C3orf33: variants seen among roughly 807,000 people sequenced by gnomAD.
C3orf33 encodes the protein mitochondrial inner membrane subdomain organizer 1.
Under a neutral mutation model 28.7 loss-of-function variants are expected in C3orf33, and 23 were observed. The ratio of observed to expected loss-of-function variants is 0.80; its 90% CI spans 0.58 to 1.13. C3orf33 has a LOEUF of 1.13. Ranked by LOEUF, C3orf33 falls within the 50% of genes most tolerant of loss-of-function variation. The pLI is 0.00. For missense variants in C3orf33, 327 were observed against 353.4 expected, an observed-to-expected ratio of 0.93 and a Z score of 0.60; for synonymous variants, 119 against 120.5, an observed-to-expected ratio of 0.99 and a Z score of 0.08.
intron 1 of C3orf33, chr3:155,805,791 T>C (rs1751792201): frequency 3.7e-5 from 18 of 491,572 alleles, no homozygotes; most frequent in South Asian, 3.3e-4. Flanking sequence ...AGGACTTCCC[T>C]GCTCTTCCTC....
intron 2 of C3orf33, among the ~76,000 whole-genome samples, chr3:155,793,427 T>C (rs987969942): frequency 6.6e-6 from 1 of 151,042 alleles, no homozygotes; most frequent in Non-Finnish European, 1.5e-5. Flanking sequence ...AGAAATCACC[T>C]GAAGGTACAA....
intron 3 of C3orf33, among the ~76,000 whole-genome samples, chr3:155,770,399 G>A (rs998965219): frequency 1.3e-5 from 2 of 152,174 alleles, no homozygotes; most frequent in Non-Finnish European, 2.9e-5. Context: ...TGTCTCTGGC[G>A]AAGCAGAGCC....
intron 2 of C3orf33, among the ~76,000 whole-genome samples, chr3:155,790,162 T>TAA (rs1751266937): frequency 3.9e-5 from 1 of 25,502 alleles, no homozygotes; most frequent in African/African-American, 1.8e-4. Context: ...AAACTCTGTC[T>TAA]CAAAAAAAAA....
chr3:155,763,261 T>C lies in C3orf33; in HGVS notation c.*256A>G, dbSNP rs1401950588. 2 of 285,656 alleles carry C rather than the reference T, an allele frequency of 7.0e-6. No individual in the cohort carries two copies. The highest frequency in any genetic ancestry group is 6.4e-6 in the Non-Finnish European group (1 of 157,396). 17.7% of individuals were successfully genotyped at this position (285,656 alleles called of 1,614,324 possible). A position where few individuals can be genotyped will look rare whatever the true frequency, so the allele number is the denominator to read the frequency against. On this transcript the variant is annotated 3_prime_UTR_variant, in exon 5 of 5. Transcript: ENST00000340171. Reference sequence around the variant, plus strand: ...ACTTTCTCTTCACACATTAGCACTATATATGTAAATCATTCAGCCTGGTAA... The same window carrying C: ...ACTTTCTCTTCACACATTAGCACTACATATGTAAATCATTCAGCCTGGTAA...
rs1176317323 is a variant in C3orf33 at position 155,793,809 on chromosome 3, C to CAAAA, written c.174+8719_174+8722dup. On this transcript the variant is annotated intron_variant, in intron 2 of 4. Coordinates refer to ENST00000340171, the MANE Select transcript of C3orf33 (RefSeq NM_001308229.2). ...TGGGAGACAGAGTGAGACTCTGACT[C>CAAAA]AAAAAAAAAAAAAAAAAACTAAAAA... Among the ~76,000 whole-genome samples, 109 of 37,494 alleles carry CAAAA rather than the reference C, an allele frequency of 2.9e-3. 2 individuals are homozygous for CAAAA. The highest frequency in any genetic ancestry group is 7.5e-3 in the African/African-American group (105 of 13,992). The allele number at this position is 37,494 out of a possible 152,430, so 24.6% of individuals were successfully genotyped here.
intron 2 of C3orf33, among the ~76,000 whole-genome samples, chr3:155,790,402 C>G (rs1280563846): frequency 6.6e-6 from 1 of 151,770 alleles, no homozygotes; most frequent in African/African-American, 2.4e-5. Context: ...ACCAAAGGCA[C>G]AGGCAACAAT....
rs565128959 is a variant in C3orf33, at chr3:155,791,866, G to A, written c.174+10666C>T. Among the ~76,000 whole-genome samples, 67 of 151,896 alleles carry A rather than the reference G, an allele frequency of 4.4e-4. 1 individual carries two copies. In the South Asian group the frequency reaches 0.012, roughly 28 times the overall value. On this transcript the variant is annotated intron_variant, in intron 2 of 4. Coordinates refer to ENST00000340171, the MANE Select transcript of C3orf33 (RefSeq NM_001308229.2). ...TTCACTACTCCAGGCCCTGGCTCCCGGATGACACCTCTGGACCTATCTGAG... is the reference window on the plus strand; with the variant it reads ...TTCACTACTCCAGGCCCTGGCTCCCAGATGACACCTCTGGACCTATCTGAG...
In C3orf33 at chr3:155,763,981, T is replaced by G. The variant is rs1010494344; in HGVS notation, c.484-63A>C. On this transcript the variant is annotated intron_variant, in intron 4 of 4. Coordinates refer to ENST00000340171, the MANE Select transcript of C3orf33 (RefSeq NM_001308229.2). ...TAATTGTTGTTATACCCATCACATC[T>G]TATTTACCTTAAAAATCAGTCATTC... 4.3e-6 allele frequency: 5 copies of G among 1,159,616 alleles called. No individual in the cohort carries two copies. The African/African-American group carries it at 4.8e-5, about 11-fold the overall frequency. The allele number at this position is 1,159,616 out of a possible 1,614,324, so 71.8% of individuals were successfully genotyped here.
intron 4 of C3orf33, among the ~76,000 whole-genome samples, chr3:155,765,397 T>C (rs746996447): frequency 6.6e-6 from 1 of 152,238 alleles, no homozygotes; most frequent in Admixed American, 6.5e-5. Flanking sequence ...CCTCAAAATA[T>C]ACATAATTGA....
intron 3 of C3orf33, among the ~76,000 whole-genome samples, chr3:155,772,772 C>CTGTTTG (rs1553770332): frequency 2.1e-5 from 3 of 142,138 alleles, no homozygotes; most frequent in Non-Finnish European, 4.6e-5. Context: ...TTTTTAGGCT[C>CTGTTTG]TGTGTGTGTG....
In C3orf33 at chr3:155,780,159, C is replaced by T. The variant is rs534265374; in HGVS notation, c.175-4311G>A. 6.6e-5 allele frequency among the ~76,000 whole-genome samples: 10 copies of T among 152,298 alleles called. No homozygotes were observed. The South Asian group carries it at 2.1e-3, about 32-fold the overall frequency. Reference sequence around the variant, plus strand: ...AGAACAGATAAGGAGGCTGTCTTTACAGGAAGTAAATCCCGAGCTTGTGAC... The same window carrying T: ...AGAACAGATAAGGAGGCTGTCTTTATAGGAAGTAAATCCCGAGCTTGTGAC... On this transcript the variant is annotated intron_variant, in intron 2 of 4. Transcript: ENST00000340171.
At chr3:155,790,227 GA>G (rs796923838) in intron 2 of C3orf33, among the ~76,000 whole-genome samples, 3,650 of 65,786 alleles carry the variant, frequency 0.055, 194 homozygotes, top group African/African-American at 0.19. Flanking sequence ...ATGCAAAAAA[GA>G]AAAAAAAAAA....
At chr3:155,773,194 T>C (rs1386708446) in intron 3 of C3orf33, among the ~76,000 whole-genome samples, 2 of 152,246 alleles carry the variant, frequency 1.3e-5, no homozygotes, top group Non-Finnish European at 2.9e-5. Context: ...TAGCAACTTA[T>C]TGTAACATTC....
rs1244890777 is a variant in C3orf33, at chr3:155,802,310, AAGTG to A, written c.174+218_174+221del. Among the ~76,000 whole-genome samples the A allele has an allele frequency of 1.9e-4, 29 of 152,354 alleles. 1 individual carries two copies. Among genetic ancestry groups the A allele is most frequent in the Admixed American group, 1.9e-3 (29 of 15,308 alleles). On this transcript the variant is annotated intron_variant, in intron 2 of 4. Transcript: ENST00000340171. Reference sequence around the variant, plus strand: ...CAGATTCCTTTTTAAGCATGAAAAAAAGTGATTATGGAAATATAAACCACGCAAT... The same window carrying A: ...CAGATTCCTTTTTAAGCATGAAAAAAATTATGGAAATATAAACCACGCAAT...
intron 2 of C3orf33, among the ~76,000 whole-genome samples, chr3:155,798,341 A>G: frequency 6.6e-6 from 1 of 152,214 alleles, no homozygotes; most frequent in East Asian, 1.9e-4. Context: ...AATGAACAAA[A>G]CTGGAACAAT....
At chr3:155,781,915 A>G (rs1750936418) in intron 2 of C3orf33, among the ~76,000 whole-genome samples, 1 of 151,380 alleles carries the variant, frequency 6.6e-6, no homozygotes, top group African/African-American at 2.4e-5. Flanking sequence ...TCTCTACTAA[A>G]AATACAAAAA....
intron 2 of C3orf33, among the ~76,000 whole-genome samples, chr3:155,776,176 TAAAC>T (rs1750740674): frequency 6.6e-6 from 1 of 152,214 alleles, no homozygotes; most frequent in Non-Finnish European, 1.5e-5. Flanking sequence ...CAAATCTGGT[TAAAC>T]AGTCTCTAGC....
intron 2 of C3orf33, among the ~76,000 whole-genome samples, chr3:155,781,781 A>G (rs1291099292): frequency 6.7e-6 from 1 of 149,532 alleles, no homozygotes; most frequent in African/African-American, 2.5e-5. Flanking sequence ...AAAAAAAAAA[A>G]AAAAAAAAAT....
chr3:155,796,630 C>G (rs910271872), intron 2 of C3orf33, among the ~76,000 whole-genome samples: 16 of 152,076 alleles, frequency 1.1e-4, no homozygotes, highest in African/African-American at 3.9e-4. Flanking sequence ...TCAAATGATT[C>G]AAAAAATAGA....
Sources: gnomAD v4.1 joint callset for allele counts (sites outside exome capture counted in the v4.1 genomes callset) on GRCh38, gnomAD v4.1.1 for gene constraint, MANE v1.5 for transcripts, NCBI Gene and HGNC (gene_info 2026-07-23, HGNC 2026-07-21) for gene names.